CALCOCO2: variants seen among roughly 807,000 people sequenced by gnomAD.
CALCOCO2 encodes the protein calcium binding and coiled-coil domain 2, also known as calcium-binding and coiled-coil domain-containing protein 2.
Under a neutral mutation model 62.5 loss-of-function variants are expected in CALCOCO2, and 42 were observed. The ratio of observed to expected loss-of-function variants is 0.67; its 90% CI spans 0.53 to 0.87. CALCOCO2 has a LOEUF of 0.87. Among genes scored for constraint, CALCOCO2 ranks in the 40% least tolerant of loss-of-function variants. The pLI, the probability that CALCOCO2 is intolerant of heterozygous loss-of-function variation, is 0.00. For synonymous variants in CALCOCO2, 167 were observed against 173.0 expected, an observed-to-expected ratio of 0.97 and a Z score of 0.27; for missense variants, 456 against 515.0, an observed-to-expected ratio of 0.89 and a Z score of 1.11.
At chr17:48,833,588 T>TA (rs1306567349) in intron 1 of CALCOCO2, among the ~76,000 whole-genome samples, 1 of 151,616 alleles carries the variant, frequency 6.6e-6, no homozygotes, top group East Asian at 1.9e-4. Flanking sequence ...AGCAGAAAGA[T>TA]AAAGGAATCC....
chr17:48,862,136 A>G (rs760018672), intron 11 of CALCOCO2, 140 bp from the exon 12 acceptor site: 21 of 723,684 alleles, frequency 2.9e-5, no homozygotes, highest in Non-Finnish European at 4.6e-5. Context: ...AAGTAACGGT[A>G]TATATATGAG....
intron 1 of CALCOCO2, among the ~76,000 whole-genome samples, chr17:48,834,579 C>G (rs964729394): frequency 5.3e-5 from 8 of 152,170 alleles, no homozygotes; most frequent in African/African-American, 1.9e-4. Flanking sequence ...CCTAGCTCGT[C>G]CCACTAATTT....
intron 4 of CALCOCO2, 45 bp downstream of exon 4, chr17:48,848,500 A>C (rs1411064142): frequency 5.8e-6 from 9 of 1,564,870 alleles, no homozygotes. Context: ...CATTACGGGT[A>C]GCAATATAGG....
chr17:48,859,630 A>G (rs2040298299), intron 10 of CALCOCO2, among the ~76,000 whole-genome samples: 2 of 152,062 alleles, frequency 1.3e-5, no homozygotes, highest in African/African-American at 4.8e-5. Flanking sequence ...AACAACAATA[A>G]TAATATACAA....
chr17:48,845,727 T>TAAA (rs1220401337), intron 2 of CALCOCO2, among the ~76,000 whole-genome samples: 1 of 57,020 alleles, frequency 1.8e-5, no homozygotes, highest in Non-Finnish European at 5.0e-5. Flanking sequence ...AGACTCCATC[T>TAAA]CAAAAAAAAA....
At chr17:48,856,070 T>G (rs2040210789) in intron 9 of CALCOCO2, 22 bp from the exon 10 acceptor site, 1 of 1,355,742 alleles carries the variant, frequency 7.4e-7, no homozygotes, top group East Asian at 2.3e-5. Flanking sequence ...ATCCTAATCC[T>G]AATTTTTTTT....
chr17:48,854,743 AG>A (rs915645107), intron 9 of CALCOCO2, among the ~76,000 whole-genome samples: 1 of 151,698 alleles, frequency 6.6e-6, no homozygotes, highest in African/African-American at 2.4e-5. Context: ...TTCAAGACCT[AG>A]GGGCTCCCCA....
Position 48,863,065 on chromosome 17 carries a change from C to G in CALCOCO2, c.*60C>G. On this transcript the variant is annotated 3_prime_UTR_variant, in exon 13 of 13. Transcript: ENST00000258947. ...ATAGAATAGAACCTATAGCTTCTAC[C>G]ATGAGTTATATGAGTCAAGATCCTG... The G allele has an allele frequency of 7.9e-7, 1 of 1,264,080 alleles. No individual in the cohort carries two copies. The highest frequency in any genetic ancestry group is 1.2e-6 in the Non-Finnish European group (1 of 862,142). 78.3% of individuals were successfully genotyped at this position (1,264,080 alleles called of 1,614,324 possible). A position where few individuals can be genotyped will look rare whatever the true frequency, so the allele number is the denominator to read the frequency against.
chr17:48,849,851 C>A (rs1233766279), intron 5 of CALCOCO2, among the ~76,000 whole-genome samples: 2 of 151,996 alleles, frequency 1.3e-5, no homozygotes, highest in Non-Finnish European at 2.9e-5. Flanking sequence ...ATTTTAGGTA[C>A]ATTCGGTTAA....
At position 48,834,159 on chromosome 17, in the gene CALCOCO2, G is replaced by T. The variant is rs1477440191; in HGVS notation, c.-11+3081G>T. 3.5e-5 allele frequency among the ~76,000 whole-genome samples: 5 copies of T among 143,682 alleles called. No individual in the cohort carries two copies. In the East Asian group the frequency reaches 1.1e-3, roughly 31 times the overall value. The allele number at this position is 143,682 out of a possible 152,430, so 94.3% of individuals were successfully genotyped here. A position where few individuals can be genotyped will look rare whatever the true frequency, so the allele number is the denominator to read the frequency against. On this transcript the variant is annotated intron_variant, in intron 1 of 12. Coordinates refer to ENST00000258947, the MANE Select transcript of CALCOCO2 (RefSeq NM_005831.5). ...AAGAGCAGAAGTAGAACAGGCTGCT[G>T]TTCCTTTTCTTCAGGAAGACATAAG...
chr17:48,846,804 C>T (rs939963655), intron 2 of CALCOCO2, among the ~76,000 whole-genome samples: 1 of 152,146 alleles, frequency 6.6e-6, no homozygotes, highest in African/African-American at 2.4e-5. Flanking sequence ...ATTTTTAGTT[C>T]TCTTCTTACT....
intron 9 of CALCOCO2, among the ~76,000 whole-genome samples, chr17:48,854,113 C>T (rs558825427): frequency 3.3e-5 from 5 of 151,260 alleles, no homozygotes; most frequent in African/African-American, 7.3e-5. Context: ...GTCAGGAGTT[C>T]GAGACCAGCC....
rs35356632 is a variant in CALCOCO2, at chr17:48,864,066, CT to C, written c.*1080del. The C allele has an allele frequency of 0.098, 12,385 of 126,294 alleles. 669 individuals carry two copies. The highest frequency in any genetic ancestry group is 0.23 in the African/African-American group (7,803 of 33,488). 7.8% of individuals were successfully genotyped at this position (126,294 alleles called of 1,614,324 possible). On this transcript the variant is annotated 3_prime_UTR_variant, in exon 13 of 13. Coordinates refer to ENST00000258947, the MANE Select transcript of CALCOCO2 (RefSeq NM_005831.5). ...TCCAAGGCCCTGGCTTGCTTTCTTT[CT>C]TTTTTTTTTTTTTTTTTTGAAACAG... is the stretch of plus-strand genomic sequence containing the variant.
intron 9 of CALCOCO2, among the ~76,000 whole-genome samples, chr17:48,854,826 G>T (rs1306341038): frequency 1.3e-5 from 2 of 152,112 alleles, no homozygotes; most frequent in Non-Finnish European, 2.9e-5. Context: ...TGTATCTTAT[G>T]CTTCAGGAGC....
intron 10 of CALCOCO2, among the ~76,000 whole-genome samples, chr17:48,859,920 C>A (rs1177588682): frequency 1.3e-5 from 2 of 151,974 alleles, no homozygotes; most frequent in Admixed American, 6.6e-5. Context: ...CATGGTGAAA[C>A]CCGTCTCTAC....
chr17:48,846,687 G>A (rs971010040), intron 2 of CALCOCO2, among the ~76,000 whole-genome samples: 4 of 152,090 alleles, frequency 2.6e-5, no homozygotes, highest in Non-Finnish European at 5.9e-5. Context: ...ACAGCAATGG[G>A]GTGTGTATTA....
chr17:48,860,200 C>T (rs2040307727), intron 10 of CALCOCO2, 114 bp from the exon 11 acceptor site: 1 of 715,896 alleles, frequency 1.4e-6, no homozygotes. Context: ...TATTGAGTTT[C>T]TCCAGTGCCA....
intron 2 of CALCOCO2, among the ~76,000 whole-genome samples, chr17:48,847,357 G>T (rs1294538020): frequency 6.6e-6 from 1 of 152,122 alleles, no homozygotes; most frequent in Non-Finnish European, 1.5e-5. Flanking sequence ...GAAGTCCAAA[G>T]AATGCCATTG....
In CALCOCO2 at chr17:48,857,161, C is replaced by T. The variant is rs533736759; in HGVS notation, c.1008+974C>T. ...GTGTCCATGCATTCTGGCTGCTACT[C>T]CTGTATCTATACTTCCATCAATTCT... On this transcript the variant is annotated intron_variant, in intron 10 of 12. Transcript: ENST00000258947. 3.2e-3 allele frequency among the ~76,000 whole-genome samples: 478 copies of T among 151,012 alleles called. 1 individual carries two copies. The highest frequency in any genetic ancestry group is 0.011 in the African/African-American group (458 of 41,158).
Sources: gnomAD v4.1 joint callset for allele counts (sites outside exome capture counted in the v4.1 genomes callset) on GRCh38, gnomAD v4.1.1 for gene constraint, MANE v1.5 for transcripts, NCBI Gene and HGNC (gene_info 2026-07-23, HGNC 2026-07-21) for gene names.